The following LPP variants were observed in gnomAD, a reference collection of about 807,000 sequenced individuals.
LPP encodes lipoma-preferred partner.
Under a neutral mutation model 60.4 loss-of-function variants are expected in LPP, and 38 were observed. That is an observed-to-expected ratio of 0.63 (90% CI 0.49 to 0.83). LPP has a LOEUF of 0.83. Ranked by LOEUF, LPP falls within the 40% of genes least tolerant of loss-of-function variation. The probability of loss-of-function intolerance (pLI) is 0.00; values close to 1 mark genes in which losing one functional copy is unlikely to be tolerated. For missense variants in LPP, 902 were observed against 783.6 expected (o/e 1.15, Z -1.80); for synonymous variants, 328 against 290.8 (o/e 1.13, Z -1.30).
At chr3:188,343,837 G>A (rs943463416) in intron 3 of LPP, among the ~76,000 whole-genome samples, 1 of 152,108 alleles carries the variant, frequency 6.6e-6, no homozygotes. Flanking sequence ...TAATCCTGTG[G>A]CAATAATTGG....
At chr3:188,286,445 G>T (rs115021019) in intron 2 of LPP, among the ~76,000 whole-genome samples, 4,312 of 152,272 alleles carry the variant, frequency 0.028, 75 homozygotes, top group African/African-American at 0.033. Flanking sequence ...ACTTACTCTA[G>T]GTGGATGAGA....
chr3:188,676,990 T>A (rs1378771569), intron 7 of LPP, among the ~76,000 whole-genome samples: 3 of 151,758 alleles, frequency 2.0e-5, no homozygotes. Flanking sequence ...TGGTAAAGAG[T>A]GAGGGCACCT....
At chr3:188,741,009 GA>G (rs1440325325) in intron 8 of LPP, among the ~76,000 whole-genome samples, 1 of 151,822 alleles carries the variant, frequency 6.6e-6, no homozygotes, top group Non-Finnish European at 1.5e-5. Context: ...TTCTGGAGGA[GA>G]AAATAAATTT....
At chr3:188,164,312 C>T (rs2148729105) in intron 1 of LPP, among the ~76,000 whole-genome samples, 1 of 152,280 alleles carries the variant, frequency 6.6e-6, no homozygotes, top group African/African-American at 2.4e-5. Flanking sequence ...CTATTATTTT[C>T]CATCCAGTGG....
At chr3:188,197,766 T>C (rs1729947384) in intron 1 of LPP, among the ~76,000 whole-genome samples, 1 of 152,100 alleles carries the variant, frequency 6.6e-6, no homozygotes, top group South Asian at 2.1e-4. Context: ...GGGCAGGGCT[T>C]ATGACATTGG....
At chr3:188,230,588 A>G (rs1719549710) in intron 2 of LPP, among the ~76,000 whole-genome samples, 1 of 151,990 alleles carries the variant, frequency 6.6e-6, no homozygotes, top group African/African-American at 2.4e-5. Flanking sequence ...GTTCAAGACC[A>G]GACTGACCAA....
At chr3:188,650,745 G>A (rs1349068616) in intron 7 of LPP, among the ~76,000 whole-genome samples, 9 of 152,122 alleles carry the variant, frequency 5.9e-5, no homozygotes, top group Admixed American at 5.2e-4. Context: ...GAAAAGAAGG[G>A]ACTTGTATTA....
At chr3:188,474,260 C>G (rs949959390) in intron 4 of LPP, among the ~76,000 whole-genome samples, 3 of 152,096 alleles carry the variant, frequency 2.0e-5, no homozygotes, top group Non-Finnish European at 4.4e-5. Context: ...GAGAGTCTGC[C>G]CTCAAGGAGC....
chr3:188,706,316 C>T (rs929530808), intron 7 of LPP, among the ~76,000 whole-genome samples: 2 of 152,166 alleles, frequency 1.3e-5, no homozygotes, highest in African/African-American at 4.8e-5. Flanking sequence ...TCCTGGCAAG[C>T]AACTCAATTT....
At chr3:188,267,612 G>C (rs866983230) in intron 2 of LPP, among the ~76,000 whole-genome samples, 22 of 152,154 alleles carry the variant, frequency 1.4e-4, no homozygotes, top group Non-Finnish European at 1.2e-4. Context: ...CATTGTACTG[G>C]AGTTGCTTTA....
chr3:188,356,930 G>A (rs889808456), intron 3 of LPP, among the ~76,000 whole-genome samples: 3 of 152,150 alleles, frequency 2.0e-5, no homozygotes, highest in African/African-American at 7.2e-5. Context: ...ACTTTGTACG[G>A]CCAAAGCGTT....
At chr3:188,178,411 C>T (rs543069470) in intron 1 of LPP, 1 of 152,404 alleles carries the variant, frequency 6.6e-6, no homozygotes, top group African/African-American at 2.4e-5. Context: ...CTACTCTAAG[C>T]ACCATGCTGG....
intron 2 of LPP, among the ~76,000 whole-genome samples, chr3:188,291,316 G>A (rs951053128): frequency 6.6e-6 from 1 of 152,100 alleles, no homozygotes; most frequent in Non-Finnish European, 1.5e-5. Context: ...AGGCTAAAGT[G>A]TTTTTCATGT....
At chr3:188,648,734 T>TCA (rs1851551633) in intron 7 of LPP, among the ~76,000 whole-genome samples, 1 of 152,300 alleles carries the variant, frequency 6.6e-6, no homozygotes, top group South Asian at 2.1e-4. Context: ...TCTCCAGAGT[T>TCA]TAATGATGAC....
At chr3:188,795,128 C>A (rs891603024) in intron 9 of LPP, among the ~76,000 whole-genome samples, 1 of 151,900 alleles carries the variant, frequency 6.6e-6, no homozygotes, top group African/African-American at 2.4e-5. Flanking sequence ...AGCAAAACTC[C>A]GTCTCAAAAA....
chr3:188,181,943 T>G (rs1725141125), intron 1 of LPP, among the ~76,000 whole-genome samples: 1 of 152,322 alleles, frequency 6.6e-6, no homozygotes, highest in East Asian at 1.9e-4. Flanking sequence ...TTCATCAGCG[T>G]CCTCATAGTT....
rs1281851199 is a variant in LPP at position 188,884,507 on chromosome 3, T to C, written c.*10028T>C. The C allele has an allele frequency of 4.4e-6, 1 of 229,082 alleles. No homozygotes were observed. The highest frequency in any genetic ancestry group is 8.7e-6 in the Non-Finnish European group (1 of 115,520). The allele number at this position is 229,082 out of a possible 1,614,324, so 14.2% of individuals were successfully genotyped here. A position where few individuals can be genotyped will look rare whatever the true frequency, so the allele number is the denominator to read the frequency against. ...TAGGTATTCTGTCTGATCAGCACTGTGAGGAAGTTGGTGGGAAAAGGCCAC... is the reference window on the plus strand; with the variant it reads ...TAGGTATTCTGTCTGATCAGCACTGCGAGGAAGTTGGTGGGAAAAGGCCAC... On this transcript the variant is annotated 3_prime_UTR_variant, in exon 12 of 12. Transcript: ENST00000617246.
chr3:188,798,957 A>AT (rs1477275787), intron 9 of LPP, among the ~76,000 whole-genome samples: 1 of 152,256 alleles, frequency 6.6e-6, no homozygotes, highest in Non-Finnish European at 1.5e-5. Context: ...TAAAAGGGTG[A>AT]TTAACTGTTT....
At chr3:188,188,450 C>G (rs1482957269) in intron 1 of LPP, among the ~76,000 whole-genome samples, 1 of 152,070 alleles carries the variant, frequency 6.6e-6, no homozygotes, top group Non-Finnish European at 1.5e-5. Flanking sequence ...TGACTTAGGC[C>G]CATGATGCTC....
Sources: allele counts gnomAD v4.1 joint callset (sites outside exome capture counted in the v4.1 genomes callset), GRCh38; gene constraint gnomAD v4.1.1; transcripts MANE v1.5; gene names NCBI Gene and HGNC (gene_info 2026-07-23, HGNC 2026-07-21).